The following MAOA variants were observed in gnomAD, a reference collection of about 807,000 sequenced individuals.
MAOA encodes monoamine oxidase A, also known as amine oxidase [flavin-containing] A.
MAOA carries 6 observed loss-of-function variants against 42.0 expected under a neutral mutation model. The observed-to-expected ratio is 0.14, with a 90% CI of 0.08 to 0.28. The LOEUF (loss-of-function observed/expected upper bound fraction) is 0.28. Among genes scored for constraint, MAOA ranks in the 10% least tolerant of loss-of-function variants. The pLI is 1.00. For synonymous variants in MAOA, 140 were observed against 154.0 expected (o/e 0.91, Z 0.67); for missense variants, 262 against 422.3 (o/e 0.62, Z 3.33).
chrX:43,682,529 A>C (rs1322329809), intron 1 of MAOA, among the ~76,000 whole-genome samples: 1 of 111,988 alleles, frequency 8.9e-6, no homozygotes, highest in Non-Finnish European at 1.9e-5. Flanking sequence ...TATAAAACAA[A>C]TATCTGCGAG....
intron 3 of MAOA, among the ~76,000 whole-genome samples, chrX:43,700,429 G>T (rs1204494258): frequency 8.9e-6 from 1 of 112,135 alleles, no homozygotes. Context: ...TATGGGGGTG[G>T]TCGTTCATGG....
Position 43,731,682 on chromosome X carries a change from T to C in MAOA, c.796-12T>C, listed in dbSNP as rs971727975. 2 of 1,207,144 alleles carry C rather than the reference T, an allele frequency of 1.7e-6. No individual in the cohort carries two copies. Among genetic ancestry groups the C allele is most frequent in the African/African-American group, 3.5e-5 (2 of 57,051 alleles). ...CACATTTGAGGTAATATTTTGCTTG[T>C]GTGTGTTTTAGTGCAAATACGTAAT... is the stretch of plus-strand genomic sequence containing the variant. On this transcript the variant is annotated splice_polypyrimidine_tract_variant and intron_variant, in intron 7 of 14. Coordinates refer to ENST00000338702, the MANE Select transcript of MAOA (RefSeq NM_000240.4).
At chrX:43,704,775 A>G (rs1348806744) in intron 3 of MAOA, among the ~76,000 whole-genome samples, 3 of 112,058 alleles carry the variant, frequency 2.7e-5, no homozygotes, top group Non-Finnish European at 5.6e-5. Context: ...GCAGGATACA[A>G]GATCAATATT....
intron 4 of MAOA, among the ~76,000 whole-genome samples, chrX:43,712,288 A>G (rs894590755): frequency 9.0e-6 from 1 of 111,408 alleles, no homozygotes; most frequent in Non-Finnish European, 1.9e-5. Context: ...AAGTATCTCT[A>G]CTTACAGTTG....
At position 43,693,414 on chromosome X, in the gene MAOA, G is replaced by C. The variant is rs1465678248; in HGVS notation, c.292G>C (p.Val98Leu). The C allele has an allele frequency of 8.3e-7, 1 of 1,208,832 alleles. No individual in the cohort carries two copies. Reference sequence around the variant, plus strand: ...CAAAGTGAATGTCAGTGAGCGTCTCGTTCAATATGTCAAGGTAAGGCTGAC... The same window carrying C: ...CAAAGTGAATGTCAGTGAGCGTCTCCTTCAATATGTCAAGGTAAGGCTGAC... ...TYKVNVSERL[V>L]QYVKGKTYPF... Residue 98 changes from valine to leucine, a missense_variant, in exon 3 of 15, where the codon GTT (valine) becomes CTT (leucine). Around this residue, in one of 3 missense-constraint regions of MAOA, gnomAD observed 141 missense variants for 195.6 expected, o/e 0.72. Coordinates refer to ENST00000338702, the MANE Select transcript of MAOA (RefSeq NM_000240.4).
chrX:43,688,029 A>G (rs771709491), intron 2 of MAOA, among the ~76,000 whole-genome samples: 12 of 112,118 alleles, frequency 1.1e-4, no homozygotes, highest in Non-Finnish European at 2.1e-4. Context: ...TGAGCCTTTC[A>G]AATGTAACTC....
chrX:43,731,519 C>T, intron 7 of MAOA, 129 bp downstream of exon 7: 5 of 913,063 alleles, frequency 5.5e-6, no homozygotes, highest in Non-Finnish European at 7.8e-6. Context: ...TTCCAAATTA[C>T]CAGCCTTGGT....
intron 5 of MAOA, among the ~76,000 whole-genome samples, chrX:43,723,005 G>A (rs921117615): frequency 9.0e-6 from 1 of 111,200 alleles, no homozygotes; most frequent in African/African-American, 3.3e-5. Context: ...TAGATGTGTG[G>A]TGTTATTTCT....
intron 2 of MAOA, among the ~76,000 whole-genome samples, chrX:43,691,666 T>C (rs1263524798): frequency 9.0e-6 from 1 of 111,613 alleles, no homozygotes; most frequent in African/African-American, 3.3e-5. Flanking sequence ...TTCTATGTAA[T>C]GTTCAAAGAA....
chrX:43,683,957 G>GACAC (rs58791067), intron 2 of MAOA, among the ~76,000 whole-genome samples: 4 of 103,819 alleles, frequency 3.9e-5, no homozygotes, highest in Admixed American at 1.1e-4. Context: ...AATACACACA[G>GACAC]ACACACACAC....
intron 1 of MAOA, among the ~76,000 whole-genome samples, chrX:43,680,161 A>G (rs2033431447): frequency 8.9e-6 from 1 of 111,865 alleles, no homozygotes; most frequent in African/African-American, 3.3e-5. Context: ...GCAGTGCTGG[A>G]TATTATGGTT....
At chrX:43,689,635 G>T (rs1261956028) in intron 2 of MAOA, among the ~76,000 whole-genome samples, 3 of 112,017 alleles carry the variant, frequency 2.7e-5, no homozygotes, top group African/African-American at 9.7e-5. Context: ...TTTCAAGTTT[G>T]TATGTTTCTC....
chrX:43,670,530 C>G (rs951430383), intron 1 of MAOA, among the ~76,000 whole-genome samples: 2 of 105,157 alleles, frequency 1.9e-5, no homozygotes, highest in African/African-American at 7.0e-5. Context: ...ATGTGCCATG[C>G]TGGTGTGCTG....
intron 5 of MAOA, among the ~76,000 whole-genome samples, chrX:43,727,896 C>A (rs775930028): frequency 2.7e-5 from 3 of 112,049 alleles, no homozygotes; most frequent in South Asian, 3.7e-4. Context: ...CCACCTTCTG[C>A]GCGGATCTCA....
chrX:43,713,518 G>A (rs1315756498), intron 5 of MAOA, among the ~76,000 whole-genome samples: 2 of 111,755 alleles, frequency 1.8e-5, no homozygotes, highest in East Asian at 5.6e-4. Flanking sequence ...TGGAATACTA[G>A]GAAATGAGAG....
intron 4 of MAOA, among the ~76,000 whole-genome samples, chrX:43,712,310 G>A (rs540966451): frequency 9.0e-6 from 1 of 111,387 alleles, no homozygotes; most frequent in Admixed American, 9.6e-5. Context: ...CTGTCTGTCT[G>A]TAATGCCATT....
chrX:43,708,599 T>TTGATGAAA (rs1035321970), intron 3 of MAOA, among the ~76,000 whole-genome samples: 6 of 111,404 alleles, frequency 5.4e-5, no homozygotes, highest in African/African-American at 2.0e-4. Context: ...GTGAAACTAA[T>TTGATGAAA]TGATGAAATC....
Position 43,743,987 on chromosome X carries a change from A to T in MAOA, c.1374+82A>T, listed in dbSNP as rs73488559. 432 of 1,176,455 alleles carry T rather than the reference A, an allele frequency of 3.7e-4. 1 individual carries two copies. In the African/African-American group the frequency reaches 7.1e-3, roughly 19 times the overall value. On this transcript the variant is annotated intron_variant, in intron 13 of 14. Coordinates refer to ENST00000338702, the MANE Select transcript of MAOA (RefSeq NM_000240.4). ...CTGGTCTTGCTAGTTCTTGACACTG[A>T]TAGAATCTGTATGTCCATTTCTCTG... is the stretch of plus-strand genomic sequence containing the variant.
chrX:43,698,192 C>T lies in MAOA; in HGVS notation c.306+4764C>T, dbSNP rs183814689. The stretch of plus-strand genomic sequence containing the variant: ...CTTCAGCTCTTAAATTTTCCCAATG[C>T]GAAACCTTAAAGAATGTTTAAATTG... On this transcript the variant is annotated intron_variant, in intron 3 of 14. Coordinates refer to ENST00000338702, the MANE Select transcript of MAOA (RefSeq NM_000240.4). Among the ~76,000 whole-genome samples, 228 of 112,234 alleles carry T rather than the reference C, an allele frequency of 2.0e-3. 1 individual carries two copies. The highest frequency in any genetic ancestry group is 7.0e-3 in the African/African-American group (217 of 30,952).
Sources: allele counts gnomAD v4.1 joint callset (sites outside exome capture counted in the v4.1 genomes callset), GRCh38; gene constraint gnomAD v4.1.1; regional missense constraint gnomAD v4.1.1; transcripts MANE v1.5; gene names NCBI Gene and HGNC (gene_info 2026-07-23, HGNC 2026-07-21).